The following ITPR1 variants were observed in gnomAD, a reference collection of about 807,000 sequenced individuals.
ITPR1 encodes the protein inositol 1,4,5-trisphosphate-gated calcium channel ITPR1.
In ITPR1, 96 loss-of-function variants were observed where a neutral mutation model predicts 318.4. The ratio of observed to expected loss-of-function variants is 0.30; its 90% CI spans 0.26 to 0.36. The LOEUF is 0.36. Ranked by LOEUF, ITPR1 falls within the 10% of genes least tolerant of loss-of-function variation. The pLI is 1.00. For synonymous variants in ITPR1, 1,312 were observed against 1,289.9 expected, an observed-to-expected ratio of 1.02 and a Z score of -0.37; for missense variants, 2,440 against 3,460.2, an observed-to-expected ratio of 0.71 and a Z score of 7.40.
rs180720900 is a variant in ITPR1, at chr3:4,805,036, A to G, written c.7108-1067A>G. Among the ~76,000 whole-genome samples the G allele has an allele frequency of 5.6e-4, 86 of 152,280 alleles. 4 individuals carry two copies. The South Asian group carries it at 0.017, about 31-fold the overall frequency. ...TGGACTTCCAGGCATTGGGGTTTCT[A>G]TCAAAGGTGAGACTATATTGCACAG... On this transcript the variant is annotated intron_variant, in intron 54 of 61. Coordinates refer to ENST00000649015, the MANE Select transcript of ITPR1 (RefSeq NM_001378452.1).
rs1006193896 is a variant in ITPR1, at chr3:4,724,168, T to C, written c.5137-1378T>C. On this transcript the variant is annotated intron_variant, in intron 40 of 61. Transcript: ENST00000649015. ...AGTTTTCTCCCTGAGATTAGTGGAG[T>C]TGGACTCATGCAGGAAAGGTCGTCT... Among the ~76,000 whole-genome samples the C allele has an allele frequency of 2.6e-5, 4 of 152,120 alleles. No homozygotes were observed. In the East Asian group the frequency reaches 7.7e-4, roughly 29 times the overall value.
intron 4 of ITPR1, among the ~76,000 whole-genome samples, chr3:4,576,243 G>A (rs1466019308): frequency 2.0e-5 from 3 of 152,206 alleles, no homozygotes; most frequent in African/African-American, 4.8e-5. Context: ...ACTGCTGGGC[G>A]ATTGGAGTTG....
intron 11 of ITPR1, among the ~76,000 whole-genome samples, chr3:4,652,509 G>A (rs997709677): frequency 1.3e-5 from 2 of 151,982 alleles, no homozygotes; most frequent in Non-Finnish European, 2.9e-5. Context: ...TTTTATATAC[G>A]ACCCTCCCCA....
At chr3:4,676,252 G>A (rs2125219801) in intron 23 of ITPR1, among the ~76,000 whole-genome samples, 1 of 152,092 alleles carries the variant, frequency 6.6e-6, no homozygotes, top group East Asian at 1.9e-4. Context: ...CGTTGAGGCA[G>A]GAAGATTGTT....
intron 4 of ITPR1, among the ~76,000 whole-genome samples, chr3:4,625,421 G>A (rs1476355221): frequency 6.6e-6 from 1 of 152,090 alleles, no homozygotes; most frequent in African/African-American, 2.4e-5. Context: ...ACCTGTTCAA[G>A]GCACTTTAAG....
chr3:4,629,329 C>T (rs1321936653), intron 5 of ITPR1, among the ~76,000 whole-genome samples: 1 of 152,102 alleles, frequency 6.6e-6, no homozygotes, highest in Non-Finnish European at 1.5e-5. Context: ...GGACTTTGAG[C>T]CTTTGTGTCT....
intron 42 of ITPR1, 142 bp downstream of exon 42, chr3:4,727,315 T>C (rs1287788689): frequency 1.8e-6 from 1 of 564,110 alleles, no homozygotes; most frequent in African/African-American, 1.9e-5. Context: ...ATCACAGCCA[T>C]GTATATAAAT....
At chr3:4,532,559 C>T (rs374095962) in intron 4 of ITPR1, among the ~76,000 whole-genome samples, 221 of 152,046 alleles carry the variant, frequency 1.5e-3, no homozygotes, top group Non-Finnish European at 2.6e-3. Context: ...TTTGTAGAGA[C>T]GGGGTTTCGC....
chr3:4,705,063 T>C (rs952467516), intron 36 of ITPR1, among the ~76,000 whole-genome samples: 3 of 152,184 alleles, frequency 2.0e-5, no homozygotes, highest in Admixed American at 6.5e-5. Context: ...ATTTAAATAA[T>C]TGCTTCTCAG....
intron 20 of ITPR1, among the ~76,000 whole-genome samples, chr3:4,672,831 T>G (rs906963083): frequency 2.0e-5 from 3 of 152,150 alleles, no homozygotes; most frequent in Non-Finnish European, 4.4e-5. Context: ...CCCCGTTTAT[T>G]TTAAAAAGTA....
rs751374033 is a variant in ITPR1, at chr3:4,673,367, C to G, written c.2436C>G (p.Pro812=). 1.2e-6 allele frequency: 2 copies of G among 1,608,992 alleles called. No homozygotes were observed. The highest frequency in any genetic ancestry group is 2.7e-5 in the African/African-American group (2 of 74,940). Residue 812 remains proline, a synonymous_variant, in exon 21 of 62, where the codon CCC becomes CCG. Transcript: ENST00000649015. ...VKYARLWSEI[P]SEIAIDDYDS... is the part of the protein sequence containing the mutation. Reference sequence around the variant, plus strand: ...ATGCCCGCCTCTGGTCGGAGATTCCCTCGGAGATCGCCATTGACGAGTGAG... The same window carrying G: ...ATGCCCGCCTCTGGTCGGAGATTCCGTCGGAGATCGCCATTGACGAGTGAG...
intron 60 of ITPR1, among the ~76,000 whole-genome samples, chr3:4,827,255 T>G (rs148361030): frequency 1.9e-3 from 292 of 152,270 alleles, no homozygotes; most frequent in African/African-American, 6.6e-3. Context: ...CCTAACTACA[T>G]TTGTAACTCC....
intron 49 of ITPR1, among the ~76,000 whole-genome samples, chr3:4,780,764 G>T (rs1162992676): frequency 6.6e-6 from 1 of 152,178 alleles, no homozygotes. Flanking sequence ...TTATGTAACT[G>T]GGGATCACTG....
intron 60 of ITPR1, among the ~76,000 whole-genome samples, chr3:4,825,149 G>A (rs2049990495): frequency 6.6e-6 from 1 of 152,168 alleles, no homozygotes; most frequent in South Asian, 2.1e-4. Flanking sequence ...TTCTCACAGT[G>A]GGGGTAGACA....
intron 24 of ITPR1, among the ~76,000 whole-genome samples, chr3:4,679,617 C>T (rs1289614293): frequency 6.6e-6 from 1 of 152,222 alleles, no homozygotes; most frequent in Non-Finnish European, 1.5e-5. Flanking sequence ...CTTCTTTACT[C>T]AGCTCACTGA....
Position 4,635,404 on chromosome 3 carries a change from G to A in ITPR1, c.280-3980G>A, listed in dbSNP as rs548051899. 5.9e-5 allele frequency among the ~76,000 whole-genome samples: 9 copies of A among 152,136 alleles called. No homozygotes were observed. In the East Asian group the frequency reaches 7.7e-4, roughly 13 times the overall value. ...CGCCCAGGCTGCAGTGCAGTGGCACGATCTCGGCTCACTGCAAGCTCCACC... is the reference window on the plus strand; with the variant it reads ...CGCCCAGGCTGCAGTGCAGTGGCACAATCTCGGCTCACTGCAAGCTCCACC... On this transcript the variant is annotated intron_variant, in intron 5 of 61. Transcript: ENST00000649015.
intron 20 of ITPR1, among the ~76,000 whole-genome samples, chr3:4,671,307 T>G (rs899626583): frequency 6.6e-6 from 1 of 152,216 alleles, no homozygotes; most frequent in Admixed American, 6.5e-5. Context: ...ATCTGCAAAA[T>G]GAAGGTGATA....
intron 42 of ITPR1, among the ~76,000 whole-genome samples, chr3:4,728,192 G>C (rs1255373394): frequency 1.3e-5 from 2 of 152,158 alleles, no homozygotes; most frequent in Admixed American, 6.5e-5. Flanking sequence ...TTTTTAAGGT[G>C]CTGACTGTGC....
chr3:4,742,210 C>T lies in ITPR1; in HGVS notation c.5544+6856C>T, dbSNP rs190933902. On this transcript the variant is annotated intron_variant, in intron 44 of 61. Coordinates refer to ENST00000649015, the MANE Select transcript of ITPR1 (RefSeq NM_001378452.1). ...CACAATATTTGTGCTGGAATTCCAG[C>T]TCTGCCCCTGCCAGCCTTCAGTGAC... is the stretch of plus-strand genomic sequence containing the variant. 3.9e-5 allele frequency among the ~76,000 whole-genome samples: 6 copies of T among 152,184 alleles called. No homozygotes were observed. In the East Asian group the frequency reaches 1.2e-3, roughly 29 times the overall value.
Sources: allele counts gnomAD v4.1 joint callset (sites outside exome capture counted in the v4.1 genomes callset), GRCh38; gene constraint gnomAD v4.1.1; transcripts MANE v1.5; gene names NCBI Gene and HGNC (gene_info 2026-07-23, HGNC 2026-07-21).